The following LGSN variants were observed in gnomAD, a reference collection of about 807,000 sequenced individuals.
The protein encoded by LGSN is lengsin.
A neutral mutation model predicts 19.5 loss-of-function variants in LGSN; 21 were observed. The observed-to-expected ratio is 1.07, with a 90% confidence interval of 0.76 to 1.55. The LOEUF (loss-of-function observed/expected upper bound fraction) is 1.55. Among genes scored for constraint, LGSN ranks in the 40% most tolerant of loss-of-function variants. LGSN has a pLI of 0.00. For synonymous variants in LGSN, 257 were observed against 215.6 expected (o/e 1.19, Z -1.68); for missense variants, 673 against 608.5 (o/e 1.11, Z -1.12).
the LGSN span, among the ~76,000 whole-genome samples, chr6:63,412,571 G>A: frequency 0.029 from 1,807 of 62,256 alleles, 62 homozygotes; most frequent in African/African-American, 0.066. Context: ...AGAAAGAAAG[G>A]AAGGAAGGAA....
chr6:63,288,753 C>T (rs1767650927), intron 2 of LGSN, among the ~76,000 whole-genome samples: 1 of 152,222 alleles, frequency 6.6e-6, no homozygotes, highest in African/African-American at 2.4e-5. Context: ...AGACAGCCAT[C>T]TTCTTCCAGC....
the LGSN span, among the ~76,000 whole-genome samples, chr6:63,499,813 T>G: frequency 6.6e-6 from 1 of 152,108 alleles, no homozygotes; most frequent in Non-Finnish European, 1.5e-5. Context: ...AGGTTGTATT[T>G]GGAATTAGCA....
the LGSN span, among the ~76,000 whole-genome samples, chr6:63,534,765 T>A: frequency 6.7e-4 from 100 of 148,704 alleles, no homozygotes; most frequent in African/African-American, 2.5e-3. Flanking sequence ...CTGGCCAACA[T>A]GGTAAAATTT....
chr6:63,404,153 A>T, the LGSN span, among the ~76,000 whole-genome samples: 1 of 152,190 alleles, frequency 6.6e-6, no homozygotes, highest in Non-Finnish European at 1.5e-5. Context: ...TAGCTAAGCC[A>T]TGCCCAGACT....
chr6:63,526,388 A>C, the LGSN span, among the ~76,000 whole-genome samples: 12 of 152,256 alleles, frequency 7.9e-5, no homozygotes, highest in African/African-American at 2.9e-4. Flanking sequence ...CTGATAACAA[A>C]GTTGAAATTC....
chr6:63,549,187 G>T, the LGSN span: 1 of 691,178 alleles, frequency 1.4e-6, no homozygotes, highest in Non-Finnish European at 2.6e-6. Flanking sequence ...TTCTTCTCTT[G>T]CTTAGTCTCT....
the LGSN span, among the ~76,000 whole-genome samples, chr6:63,554,933 A>C: frequency 6.6e-6 from 1 of 152,248 alleles, no homozygotes; most frequent in Non-Finnish European, 1.5e-5. Flanking sequence ...TTATGTTAGA[A>C]TCATACAAAG....
chr6:63,433,150 C>T, the LGSN span, among the ~76,000 whole-genome samples: 3 of 151,086 alleles, frequency 2.0e-5, no homozygotes, highest in African/African-American at 7.3e-5. Flanking sequence ...CTTTTATCAT[C>T]GCAGAAGGGG....
At chr6:63,410,198 G>A in the LGSN span, among the ~76,000 whole-genome samples, 1 of 152,084 alleles carries the variant, frequency 6.6e-6, no homozygotes, top group Non-Finnish European at 1.5e-5. Flanking sequence ...TCACAAAAAC[G>A]GGTACAGGTT....
At chr6:63,431,439 G>C in the LGSN span, among the ~76,000 whole-genome samples, 2 of 152,292 alleles carry the variant, frequency 1.3e-5, no homozygotes, top group Admixed American at 6.5e-5. Flanking sequence ...GGACTTCTAC[G>C]TGTTTCCCAT....
intron 2 of LGSN, among the ~76,000 whole-genome samples, chr6:63,288,758 T>G (rs1199354455): frequency 6.6e-6 from 1 of 152,226 alleles, no homozygotes; most frequent in Non-Finnish European, 1.5e-5. Context: ...GCCATCTTCT[T>G]CCAGCACCTT....
the LGSN span, among the ~76,000 whole-genome samples, chr6:63,339,358 A>G: frequency 6.6e-6 from 1 of 152,254 alleles, no homozygotes; most frequent in South Asian, 2.1e-4. Context: ...GTGCTCCTAT[A>G]TTGAGCGCAC....
At chr6:63,521,234 G>GA in the LGSN span, among the ~76,000 whole-genome samples, 17 of 148,708 alleles carry the variant, frequency 1.1e-4, no homozygotes, top group African/African-American at 3.5e-4. Context: ...TAAAATAAAA[G>GA]AAAAAAAAAT....
chr6:63,537,879 G>A, the LGSN span, among the ~76,000 whole-genome samples: 1 of 152,208 alleles, frequency 6.6e-6, no homozygotes, highest in South Asian at 2.1e-4. Flanking sequence ...TAGTGAGAGA[G>A]AAGTTGGGGA....
the LGSN span, among the ~76,000 whole-genome samples, chr6:63,568,811 A>G: frequency 6.6e-6 from 1 of 152,350 alleles, no homozygotes; most frequent in South Asian, 2.1e-4. Flanking sequence ...CAATGCTGAC[A>G]GCAGCCATGG....
chr6:63,329,022 G>A, the LGSN span, among the ~76,000 whole-genome samples: 2 of 152,230 alleles, frequency 1.3e-5, no homozygotes, highest in African/African-American at 4.8e-5. Flanking sequence ...TTAACCTGCT[G>A]TAGGCAAAGC....
the LGSN span, among the ~76,000 whole-genome samples, chr6:63,438,914 T>C: frequency 6.6e-6 from 1 of 152,218 alleles, no homozygotes; most frequent in African/African-American, 2.4e-5. Flanking sequence ...CGTATGTTTA[T>C]TGTGGCATTA....
At chr6:63,348,802 G>C in the LGSN span, among the ~76,000 whole-genome samples, 2 of 150,372 alleles carry the variant, frequency 1.3e-5, no homozygotes, top group Non-Finnish European at 3.0e-5. Flanking sequence ...TGTTGCCCGG[G>C]CTGGTCTCGA....
At chr6:63,359,993 C>T in the LGSN span, among the ~76,000 whole-genome samples, 1 of 152,194 alleles carries the variant, frequency 6.6e-6, no homozygotes, top group Admixed American at 6.5e-5. Context: ...TATTGGCCCC[C>T]ACTCTCTTCT....
Sources: allele counts gnomAD v4.1 joint callset (sites outside exome capture counted in the v4.1 genomes callset), GRCh38; gene constraint gnomAD v4.1.1; transcripts MANE v1.5; gene names NCBI Gene and HGNC (gene_info 2026-07-23, HGNC 2026-07-21).